The following RICTOR variants were observed in gnomAD, a reference collection of about 807,000 sequenced individuals.
RICTOR encodes rapamycin-insensitive companion of mTOR.
RICTOR carries 49 observed loss-of-function variants against 214.9 expected under a neutral mutation model. The ratio of observed to expected loss-of-function variants is 0.23; its 90% CI spans 0.18 to 0.29. RICTOR has a LOEUF of 0.29. Ranked by LOEUF, RICTOR falls within the 10% of genes least tolerant of loss-of-function variation. The pLI is 1.00. For missense variants in RICTOR, 1,625 were observed against 2,047.0 expected, an observed-to-expected ratio of 0.79 and a Z score of 3.98; for synonymous variants, 717 against 711.3, an observed-to-expected ratio of 1.01 and a Z score of -0.13.
At chr5:39,036,399 C>A (rs1284037590) in intron 2 of RICTOR, among the ~76,000 whole-genome samples, 1 of 152,214 alleles carries the variant, frequency 6.6e-6, no homozygotes, top group Non-Finnish European at 1.5e-5. Flanking sequence ...TAGGAAGAAA[C>A]TGCATCAACT....
chr5:39,055,290 C>T (rs2150194954), intron 2 of RICTOR, among the ~76,000 whole-genome samples: 1 of 152,218 alleles, frequency 6.6e-6, no homozygotes, highest in South Asian at 2.1e-4. Context: ...CTGGTTCTTT[C>T]CTGTCTCGTT....
chr5:39,059,491 A>G (rs1009724183), intron 2 of RICTOR, among the ~76,000 whole-genome samples: 1 of 152,124 alleles, frequency 6.6e-6, no homozygotes, highest in Non-Finnish European at 1.5e-5. Flanking sequence ...CATTTATAAC[A>G]AAGACTTTTT....
intron 3 of RICTOR, among the ~76,000 whole-genome samples, chr5:39,009,962 T>C (rs1338413556): frequency 6.6e-6 from 1 of 152,192 alleles, no homozygotes; most frequent in African/African-American, 2.4e-5. Flanking sequence ...AAAGTACACA[T>C]TAAACTGTTT....
At chr5:39,002,743 C>T in intron 4 of RICTOR, 77 bp from the exon 5 acceptor site, 1 of 1,439,098 alleles carries the variant, frequency 6.9e-7, no homozygotes, top group African/African-American at 1.4e-5. Context: ...CCAAATTATT[C>T]CTCAGCCAAA....
chr5:39,020,869 CA>C (rs1483109429), intron 3 of RICTOR, among the ~76,000 whole-genome samples, 169 bp downstream of exon 3: 5 of 152,128 alleles, frequency 3.3e-5, no homozygotes, highest in African/African-American at 7.2e-5. Flanking sequence ...TTCTATTACA[CA>C]AATACATTTT....
chr5:39,023,283 T>C (rs1472797150), intron 2 of RICTOR, among the ~76,000 whole-genome samples: 1 of 151,866 alleles, frequency 6.6e-6, no homozygotes, highest in East Asian at 1.9e-4. Context: ...TATAATCAAA[T>C]TGCTCAAAAC....
chr5:38,966,304 G>C (rs1750211524), intron 15 of RICTOR, among the ~76,000 whole-genome samples: 2 of 152,184 alleles, frequency 1.3e-5, no homozygotes, highest in African/African-American at 4.8e-5. Context: ...GCAATTTCTT[G>C]CTTCTTAGGA....
At chr5:39,005,833 C>G (rs1350724494) in intron 3 of RICTOR, among the ~76,000 whole-genome samples, 3 of 152,162 alleles carry the variant, frequency 2.0e-5, no homozygotes, top group Non-Finnish European at 2.9e-5. Context: ...ACCAGGCCTA[C>G]CTCTGCTTTT....
chr5:38,983,833 T>C (rs62359802), intron 7 of RICTOR, among the ~76,000 whole-genome samples: 5,915 of 151,904 alleles, frequency 0.039, 170 homozygotes, highest in Non-Finnish European at 0.052. Flanking sequence ...GGCATGGTGG[T>C]GCGTGCCTGT....
At chr5:38,945,772 T>C in intron 33 of RICTOR, 48 bp from the exon 34 acceptor site, 1 of 961,214 alleles carries the variant, frequency 1.0e-6, no homozygotes, top group Non-Finnish European at 1.6e-6. Flanking sequence ...ATAATACTTT[T>C]CAAGGTACCT....
Position 38,941,711 on chromosome 5 carries a change from G to A in RICTOR, c.*593C>T, listed in dbSNP as rs1001196455. 1.7e-5 allele frequency: 4 copies of A among 231,886 alleles called. No individual in the cohort carries two copies. Among genetic ancestry groups the A allele is most frequent in the East Asian group, 6.1e-5 (1 of 16,324 alleles). The allele number at this position is 231,886 out of a possible 1,614,324, so 14.4% of individuals were successfully genotyped here. On this transcript the variant is annotated 3_prime_UTR_variant, in exon 38 of 38. Coordinates refer to ENST00000357387, the MANE Select transcript of RICTOR (RefSeq NM_152756.5). Reference sequence around the variant, plus strand: ...AACATAAAAATAACTTATAAGTCCCGGGTTGTTGAGGCTCTTCTTCTGCTT... The same window carrying A: ...AACATAAAAATAACTTATAAGTCCCAGGTTGTTGAGGCTCTTCTTCTGCTT...
At chr5:38,977,069 G>T (rs1751297248) in intron 9 of RICTOR, among the ~76,000 whole-genome samples, 1 of 152,212 alleles carries the variant, frequency 6.6e-6, no homozygotes, top group African/African-American at 2.4e-5. Flanking sequence ...CAGAGAGGCT[G>T]AAAGCAGTAG....
intron 2 of RICTOR, among the ~76,000 whole-genome samples, chr5:39,025,046 G>A (rs186331193): frequency 1.2e-4 from 19 of 152,114 alleles, no homozygotes; most frequent in African/African-American, 4.3e-4. Context: ...TTTAAAAACT[G>A]ACAGGTGATG....
intron 7 of RICTOR, among the ~76,000 whole-genome samples, chr5:38,989,361 T>G (rs1336600290): frequency 6.6e-6 from 1 of 152,006 alleles, no homozygotes; most frequent in Non-Finnish European, 1.5e-5. Flanking sequence ...ACACAAGAAT[T>G]AACTTGAGAT....
chr5:38,953,430 CG>C (rs754412590), intron 28 of RICTOR, 30 bp downstream of exon 28: 1 of 971,562 alleles, frequency 1.0e-6, no homozygotes, highest in Non-Finnish European at 1.5e-6. Context: ...CTAAAAATTG[CG>C]AAGATCTTAC....
intron 2 of RICTOR, among the ~76,000 whole-genome samples, chr5:39,071,072 G>A (rs1759287873): frequency 6.6e-6 from 1 of 152,090 alleles, no homozygotes; most frequent in Non-Finnish European, 1.5e-5. Flanking sequence ...ACTAACACAA[G>A]TACCAAAACC....
At position 39,038,435 on chromosome 5, in the gene RICTOR, C is replaced by G. The variant is rs527523947; in HGVS notation, c.98-17299G>C. Among the ~76,000 whole-genome samples, 1,437 of 152,246 alleles carry G rather than the reference C, an allele frequency of 9.4e-3. 29 individuals carry two copies. Among genetic ancestry groups the G allele is most frequent in the African/African-American group, 0.032 (1,343 of 41,530 alleles). The stretch of plus-strand genomic sequence containing the variant: ...AAGACAGGGATGCCCTCTCTCACCA[C>G]TCCTATTCAACATAGTGTTGGAAGT... On this transcript the variant is annotated intron_variant, in intron 2 of 37. Transcript: ENST00000357387.
Position 39,058,508 on chromosome 5 carries a change from C to T in RICTOR, c.97+15603G>A, listed in dbSNP as rs541791378. Among the ~76,000 whole-genome samples, 7 of 151,978 alleles carry T rather than the reference C, an allele frequency of 4.6e-5. No individual in the cohort carries two copies. The South Asian group carries it at 1.5e-3, about 32-fold the overall frequency. On this transcript the variant is annotated intron_variant, in intron 2 of 37. Coordinates refer to ENST00000357387, the MANE Select transcript of RICTOR (RefSeq NM_152756.5). ...TTATGACTTCCGTCTATGTAAAACCCGGAGTGGTATAAGACAGTTCTAATG... is the reference window on the plus strand; with the variant it reads ...TTATGACTTCCGTCTATGTAAAACCTGGAGTGGTATAAGACAGTTCTAATG...
intron 10 of RICTOR, among the ~76,000 whole-genome samples, chr5:38,973,577 A>G (rs1029514201): frequency 1.3e-5 from 2 of 152,190 alleles, no homozygotes; most frequent in Non-Finnish European, 2.9e-5. Context: ...TAGGACTCCA[A>G]AGTTCCCTGT....
Sources: gnomAD v4.1 joint callset for allele counts (sites outside exome capture counted in the v4.1 genomes callset) on GRCh38, gnomAD v4.1.1 for gene constraint, MANE v1.5 for transcripts, NCBI Gene and HGNC (gene_info 2026-07-23, HGNC 2026-07-21) for gene names.